Variants in TASP1 observed in about 807,000 individuals in gnomAD.
TASP1 encodes the protein taspase 1.
TASP1 carries 16 observed loss-of-function variants against 56.6 expected under a neutral mutation model. That is an observed-to-expected ratio of 0.28 (90% CI 0.19 to 0.43). The LOEUF is 0.43. Among genes scored for constraint, TASP1 ranks in the 20% least tolerant of loss-of-function variants. The pLI, the probability that TASP1 is intolerant of heterozygous loss-of-function variation, is 1.00. For missense variants in TASP1, 393 were observed against 511.6 expected (o/e 0.77, Z 2.24); for synonymous variants, 179 against 184.2 (o/e 0.97, Z 0.23).
At chr20:13,191,919 T>G in the TASP1 span, among the ~76,000 whole-genome samples, 1 of 152,192 alleles carries the variant, frequency 6.6e-6, no homozygotes, top group East Asian at 1.9e-4. Flanking sequence ...AGAAGCCTAA[T>G]AAGACCAAAT....
At chr20:13,402,375 A>G (rs1311557090) in intron 13 of TASP1, among the ~76,000 whole-genome samples, 1 of 152,240 alleles carries the variant, frequency 6.6e-6, no homozygotes, top group East Asian at 1.9e-4. Flanking sequence ...GACTTTCTAA[A>G]TAGACCCAAT....
intron 10 of TASP1, among the ~76,000 whole-genome samples, chr20:13,497,712 A>G (rs2043784811): frequency 6.6e-6 from 1 of 152,230 alleles, no homozygotes; most frequent in East Asian, 1.9e-4. Context: ...AGCTGGAGGC[A>G]TCACACTATC....
chr20:13,597,582 A>T (rs538485688), intron 4 of TASP1, among the ~76,000 whole-genome samples: 1 of 152,344 alleles, frequency 6.6e-6, no homozygotes, highest in African/African-American at 2.4e-5. Context: ...ATCATACTGG[A>T]TGGGCAATAG....
intron 11 of TASP1, among the ~76,000 whole-genome samples, chr20:13,467,838 G>A (rs1023872792): frequency 7.9e-5 from 12 of 151,974 alleles, no homozygotes. Flanking sequence ...CCAACATGGT[G>A]AAACTTCATG....
chr20:13,258,443 T>C, the TASP1 span, among the ~76,000 whole-genome samples: 1 of 152,284 alleles, frequency 6.6e-6, no homozygotes, highest in African/African-American at 2.4e-5. Context: ...TCCAGATATG[T>C]TAAATTGTTC....
At chr20:13,380,635 T>A in the TASP1 span, among the ~76,000 whole-genome samples, 5 of 152,198 alleles carry the variant, frequency 3.3e-5, no homozygotes, top group Non-Finnish European at 4.4e-5. Context: ...TCTTCAGAGC[T>A]GGCAGGCAGG....
chr20:13,478,119 A>C (rs2043006250), intron 11 of TASP1, among the ~76,000 whole-genome samples: 2 of 152,192 alleles, frequency 1.3e-5, no homozygotes, highest in Non-Finnish European at 2.9e-5. Flanking sequence ...AAATACATAA[A>C]AACAAATTAT....
the TASP1 span, among the ~76,000 whole-genome samples, chr20:13,105,065 A>G: frequency 1.3e-5 from 2 of 152,172 alleles, no homozygotes; most frequent in African/African-American, 4.8e-5. Context: ...AGAATCCCAT[A>G]AGGCCTACAG....
chr20:13,273,826 A>G, the TASP1 span, among the ~76,000 whole-genome samples: 12 of 152,198 alleles, frequency 7.9e-5, no homozygotes, highest in African/African-American at 2.9e-4. Flanking sequence ...TTTCTGCTCT[A>G]TACAATCCCT....
At chr20:13,263,732 A>G in the TASP1 span, among the ~76,000 whole-genome samples, 5 of 152,228 alleles carry the variant, frequency 3.3e-5, no homozygotes, top group Admixed American at 2.0e-4. Context: ...TGGGTGCAGT[A>G]TGGCTTCCTT....
intron 8 of TASP1, among the ~76,000 whole-genome samples, chr20:13,552,934 C>A (rs1416888003): frequency 6.6e-6 from 1 of 152,014 alleles, no homozygotes; most frequent in Non-Finnish European, 1.5e-5. Flanking sequence ...CTTCTTTCCT[C>A]TTTTTGAGAC....
chr20:13,417,880 G>GCACA (rs147149183), intron 12 of TASP1, among the ~76,000 whole-genome samples: 1 of 151,216 alleles, frequency 6.6e-6, no homozygotes, highest in Non-Finnish European at 1.5e-5. Context: ...ACACGTGCAT[G>GCACA]CACACACACA....
chr20:13,154,382 A>T, the TASP1 span, among the ~76,000 whole-genome samples: 3,107 of 152,208 alleles, frequency 0.02, 92 homozygotes, highest in African/African-American at 0.071. Flanking sequence ...GAATTTAGGG[A>T]AATCACTTAT....
At chr20:13,515,468 T>C (rs780739674) in intron 10 of TASP1, among the ~76,000 whole-genome samples, 2 of 148,246 alleles carry the variant, frequency 1.3e-5, no homozygotes, top group Non-Finnish European at 3.0e-5. Context: ...CTTGCGAAAA[T>C]GTAGAATCCC....
At chr20:13,559,138 T>G in intron 7 of TASP1, 24 bp from the exon 8 acceptor site, 1 of 1,432,814 alleles carries the variant, frequency 7.0e-7, no homozygotes, top group Non-Finnish European at 9.4e-7. Flanking sequence ...ATAAAAAACA[T>G]TAAATATAAC....
At chr20:13,341,457 C>T in the TASP1 span, among the ~76,000 whole-genome samples, 1 of 152,116 alleles carries the variant, frequency 6.6e-6, no homozygotes, top group Non-Finnish European at 1.5e-5. Context: ...TGGGATTCAG[C>T]CCTCTTTTCC....
At chr20:13,255,452 AAAG>A in the TASP1 span, among the ~76,000 whole-genome samples, 1 of 152,216 alleles carries the variant, frequency 6.6e-6, no homozygotes, top group African/African-American at 2.4e-5. Flanking sequence ...TAGAAAAAGA[AAAG>A]AAGTATATAT....
chr20:13,449,880 TA>T (rs1293805349), intron 11 of TASP1, among the ~76,000 whole-genome samples: 1 of 152,088 alleles, frequency 6.6e-6, no homozygotes, highest in Non-Finnish European at 1.5e-5. Flanking sequence ...GACTTTTACA[TA>T]GAAAGCTATA....
At chr20:13,310,186 T>A in the TASP1 span, among the ~76,000 whole-genome samples, 1 of 152,252 alleles carries the variant, frequency 6.6e-6, no homozygotes, top group Admixed American at 6.5e-5. Flanking sequence ...TATGTCAAAA[T>A]ATACTACAAA....
Sources: gnomAD v4.1 joint callset for allele counts (sites outside exome capture counted in the v4.1 genomes callset) on GRCh38, gnomAD v4.1.1 for gene constraint, MANE v1.5 for transcripts, NCBI Gene and HGNC (gene_info 2026-07-23, HGNC 2026-07-21) for gene names.